Variants in ZNF680 observed in about 807,000 individuals in gnomAD.
ZNF680 encodes hypothetical protein FLJ90430.
A neutral mutation model predicts 12.1 loss-of-function variants in ZNF680; 6 were observed. That is an observed-to-expected ratio of 0.49 (90% CI 0.27 to 0.98). The LOEUF (loss-of-function observed/expected upper bound fraction) is 0.98, where lower values mean the gene tolerates loss of function less well. Among genes scored for constraint, ZNF680 ranks in the 50% least tolerant of loss-of-function variants. ZNF680 has a pLI of 0.12. For missense variants in ZNF680, 561 were observed against 616.3 expected, an observed-to-expected ratio of 0.91 and a Z score of 0.95; for synonymous variants, 170 against 199.3, an observed-to-expected ratio of 0.85 and a Z score of 1.24.
chr7:64,522,005 G>T lies in ZNF680; in HGVS notation c.749C>A (p.Ser250Tyr). 6.2e-7 allele frequency: 1 copy of T among 1,610,392 alleles called. No homozygotes were observed. Among genetic ancestry groups the T allele is most frequent in the East Asian group, 2.2e-5 (1 of 44,532 alleles). Reference sequence around the variant, plus strand: ...TTTCTTATGTTTAATAAGGGTTGAGGATTGGTTAAAGGCTTTGCCACATTC... The same window carrying T: ...TTTCTTATGTTTAATAAGGGTTGAGTATTGGTTAAAGGCTTTGCCACATTC... ...CEECGKAFNQ[S>Y]STLIKHKKIH... is the part of the protein sequence containing the mutation. Residue 250 changes from serine to tyrosine, a missense_variant, in exon 4 of 4, where the codon TCC becomes TAC. By Grantham distance (144) the Ser-to-Tyr change is moderately radical (BLOSUM62 -2). Transcript: ENST00000309683.
chr7:64,519,596 C>G (rs1338459572), downstream of ZNF680, among the ~76,000 whole-genome samples: 1 of 151,774 alleles, frequency 6.6e-6, no homozygotes, highest in Non-Finnish European at 1.5e-5. Flanking sequence ...ATGACTAAAG[C>G]TTTATAGTAT....
the ZNF680 span, chr7:64,501,075 G>A: frequency 2.2e-6 from 2 of 895,132 alleles, no homozygotes; most frequent in Non-Finnish European, 3.6e-6. Flanking sequence ...ATATTAACCT[G>A]GCTGCAGAGC....
intron 1 of ZNF680, among the ~76,000 whole-genome samples, chr7:64,555,746 A>G (rs1787378480): frequency 8.1e-6 from 1 of 123,398 alleles, no homozygotes; most frequent in South Asian, 2.2e-4. Flanking sequence ...ATATATATAT[A>G]TATAAAATAA....
At chr7:64,513,866 G>C in the ZNF680 span, among the ~76,000 whole-genome samples, 3 of 151,884 alleles carry the variant, frequency 2.0e-5, no homozygotes, top group Admixed American at 6.6e-5. Flanking sequence ...GGATGGTCTT[G>C]ATTTCCTGAC....
At chr7:64,552,687 T>A (rs1584401356) in intron 1 of ZNF680, among the ~76,000 whole-genome samples, 1 of 152,350 alleles carries the variant, frequency 6.6e-6, no homozygotes, top group East Asian at 1.9e-4. Flanking sequence ...ATGTAGGATT[T>A]GTGAAAATTT....
chr7:64,511,458 T>C, the ZNF680 span, among the ~76,000 whole-genome samples: 1 of 151,994 alleles, frequency 6.6e-6, no homozygotes, highest in African/African-American at 2.4e-5. Context: ...GGGCTAACCA[T>C]GGAAAATAAC....
chr7:64,529,816 C>T (rs1785769267), intron 3 of ZNF680, among the ~76,000 whole-genome samples: 2 of 152,056 alleles, frequency 1.3e-5, no homozygotes, highest in Admixed American at 1.3e-4. Context: ...AAATTTATCA[C>T]AAAAAGAGTA....
chr7:64,544,444 A>C lies in ZNF680; in HGVS notation c.31-12T>G. ...AATGTCAGTGGTCCCTGAAAAACAC[A>C]CACACACACACACACACACACACAC... On this transcript the variant is annotated splice_polypyrimidine_tract_variant and intron_variant, in intron 1 of 3. Coordinates refer to ENST00000309683, the MANE Select transcript of ZNF680 (RefSeq NM_178558.5). 1 of 994,764 alleles carries C rather than the reference A, an allele frequency of 1.0e-6. No homozygotes were observed. The highest frequency in any genetic ancestry group is 1.4e-6 in the Non-Finnish European group (1 of 709,948). The allele number at this position is 994,764 out of a possible 1,614,324, so 61.6% of individuals were successfully genotyped here.
chr7:64,554,118 G>A (rs1787251849), intron 1 of ZNF680, among the ~76,000 whole-genome samples: 1 of 151,394 alleles, frequency 6.6e-6, no homozygotes, highest in Non-Finnish European at 1.5e-5. Context: ...CTTCCCGGCC[G>A]TCATCCCGTC....
intron 1 of ZNF680, among the ~76,000 whole-genome samples, chr7:64,548,305 T>C (rs930134307): frequency 6.6e-6 from 1 of 152,254 alleles, no homozygotes. Context: ...TGTTCATAAA[T>C]ATCCTTTCAG....
At position 64,532,298 on chromosome 7, in the gene ZNF680, C is replaced by T. The variant is rs150429140; in HGVS notation, c.254-9798G>A. Among the ~76,000 whole-genome samples, 975 of 150,752 alleles carry T rather than the reference C, an allele frequency of 6.5e-3. 10 individuals carry two copies. The Middle Eastern group carries it at 0.082, about 13-fold the overall frequency. On this transcript the variant is annotated intron_variant, in intron 3 of 3. Coordinates refer to ENST00000309683, the MANE Select transcript of ZNF680 (RefSeq NM_178558.5). ...CCAGCCTGGGCAACAGAGAGAGACT[C>T]CATCTCAAAAAAAAAAAAGAAAAGA...
chr7:64,536,148 A>G (rs1429393532), intron 3 of ZNF680, among the ~76,000 whole-genome samples: 1 of 152,206 alleles, frequency 6.6e-6, no homozygotes, highest in Non-Finnish European at 1.5e-5. Flanking sequence ...AGAAATACAT[A>G]GCAACATAAT....
intron 1 of ZNF680, among the ~76,000 whole-genome samples, chr7:64,554,078 G>A (rs1361280787): frequency 1.3e-5 from 2 of 150,982 alleles, no homozygotes; most frequent in African/African-American, 4.9e-5. Flanking sequence ...CCTCTGCCCG[G>A]CCGCCCAGTC....
At chr7:64,501,061 T>G in the ZNF680 span, 1 of 814,412 alleles carries the variant, frequency 1.2e-6, no homozygotes, top group South Asian at 1.5e-5. Context: ...TGGCCAGGTT[T>G]TAGATATTAA....
At position 64,520,641 on chromosome 7, in the gene ZNF680, G is replaced by A. The variant is rs1356078502; in HGVS notation, c.*520C>T. The A allele has an allele frequency of 1.3e-5, 2 of 151,732 alleles. No individual in the cohort carries two copies. The highest frequency in any genetic ancestry group is 3.0e-5 in the Non-Finnish European group (2 of 67,762). The allele number at this position is 151,732 out of a possible 1,614,324, so 9.4% of individuals were successfully genotyped here. ...ATGTTTTTCCAAATTCATTACATTTGCAGGATTTTTCTCCAATATAAATTC... is the reference window on the plus strand; with the variant it reads ...ATGTTTTTCCAAATTCATTACATTTACAGGATTTTTCTCCAATATAAATTC... On this transcript the variant is annotated 3_prime_UTR_variant, in exon 4 of 4. Coordinates refer to ENST00000309683, the MANE Select transcript of ZNF680 (RefSeq NM_178558.5).
At chr7:64,510,280 A>T in the ZNF680 span, among the ~76,000 whole-genome samples, 6 of 152,004 alleles carry the variant, frequency 3.9e-5, no homozygotes, top group Non-Finnish European at 8.8e-5. Flanking sequence ...GCAAAAAACC[A>T]AAACCAAACC....
chr7:64,554,529 T>G (rs1479662039), intron 1 of ZNF680, among the ~76,000 whole-genome samples: 5 of 152,100 alleles, frequency 3.3e-5, no homozygotes, highest in African/African-American at 1.2e-4. Flanking sequence ...ATGATGACAA[T>G]GGCGGTTTTT....
At chr7:64,555,745 T>A (rs1787378310) in intron 1 of ZNF680, among the ~76,000 whole-genome samples, 2 of 122,706 alleles carry the variant, frequency 1.6e-5, no homozygotes, top group Non-Finnish European at 3.4e-5. Flanking sequence ...TATATATATA[T>A]ATATAAAATA....
intron 3 of ZNF680, among the ~76,000 whole-genome samples, chr7:64,523,758 A>C (rs1262461243): frequency 6.6e-6 from 1 of 152,032 alleles, no homozygotes; most frequent in East Asian, 2.0e-4. Flanking sequence ...CTAAAAATAC[A>C]AAAAATTAGC....
Sources: gnomAD v4.1 joint callset for allele counts (sites outside exome capture counted in the v4.1 genomes callset) on GRCh38, gnomAD v4.1.1 for gene constraint, MANE v1.5 for transcripts, NCBI Gene and HGNC (gene_info 2026-07-23, HGNC 2026-07-21) for gene names.